Variants in KAZN observed in about 807,000 individuals in gnomAD.
The protein encoded by KAZN is kazrin, periplakin interacting protein, also known as kazrin.
In KAZN, 40 loss-of-function variants were observed where a neutral mutation model predicts 87.4. The observed-to-expected ratio is 0.46, with a 90% CI of 0.36 to 0.60. The LOEUF (loss-of-function observed/expected upper bound fraction) is 0.60, where lower values mean the gene tolerates loss of function less well. Among genes scored for constraint, KAZN ranks in the 20% least tolerant of loss-of-function variants. The probability of loss-of-function intolerance (pLI) is 0.00; values close to 1 mark genes in which losing one functional copy is unlikely to be tolerated. For missense variants in KAZN, 898 were observed against 1,073.9 expected (o/e 0.84, Z 2.29); for synonymous variants, 466 against 458.3 (o/e 1.02, Z -0.22).
At chr1:14,380,662 A>G (rs550427351) in intron 2 of KAZN, among the ~76,000 whole-genome samples, 1 of 152,316 alleles carries the variant, frequency 6.6e-6, no homozygotes, top group Admixed American at 6.5e-5. Flanking sequence ...ATTTGAAAAT[A>G]CACAGTCAGA....
rs78069677 is a variant in KAZN at position 14,637,790 on chromosome 1, T to C, written c.226+38567T>C. Reference sequence around the variant, plus strand: ...ATGTACATATATATGTGTGTGTGCATATTTTATCATTTTATCAGTTTCTGA... The same window carrying C: ...ATGTACATATATATGTGTGTGTGCACATTTTATCATTTTATCAGTTTCTGA... On this transcript the variant is annotated intron_variant, in intron 1 of 14. Transcript: ENST00000376030. Among the ~76,000 whole-genome samples the C allele has an allele frequency of 1.4e-3, 208 of 152,272 alleles. 1 individual carries two copies. Among genetic ancestry groups the C allele is most frequent in the African/African-American group, 4.7e-3 (194 of 41,544 alleles).
At chr1:14,601,726 AT>A (rs1676998277) in intron 1 of KAZN, among the ~76,000 whole-genome samples, 1 of 152,032 alleles carries the variant, frequency 6.6e-6, no homozygotes, top group Non-Finnish European at 1.5e-5. Flanking sequence ...TTGTGTTTTC[AT>A]TTTGTCTGTG....
intron 2 of KAZN, among the ~76,000 whole-genome samples, chr1:14,299,046 G>C (rs1654338661): frequency 6.6e-6 from 1 of 152,106 alleles, no homozygotes; most frequent in Non-Finnish European, 1.5e-5. Flanking sequence ...TAGTTCAGTG[G>C]TTACAGAGTA....
chr1:14,820,187 A>T lies in KAZN; in HGVS notation c.227-140497A>T, dbSNP rs1393218271. Among the ~76,000 whole-genome samples the T allele has an allele frequency of 6.6e-6, 1 of 152,206 alleles. No individual in the cohort carries two copies. The highest frequency in any genetic ancestry group is 2.4e-5 in the African/African-American group (1 of 41,448). On this transcript the variant is annotated intron_variant, in intron 1 of 14. Transcript: ENST00000376030. This position sits in a 1 kb window ranked among gnomAD's most constrained non-coding sequence, Gnocchi z 4.1. Reference sequence around the variant, plus strand: ...GGAGTGGCAGGGCCCATGAACTCACATTCTGTGACGTTCACACAGAGGGGC... The same window carrying T: ...GGAGTGGCAGGGCCCATGAACTCACTTTCTGTGACGTTCACACAGAGGGGC...
chr1:14,574,526 T>C (rs1675061656), intron 2 of KAZN, among the ~76,000 whole-genome samples: 3 of 152,154 alleles, frequency 2.0e-5, no homozygotes, highest in Admixed American at 6.5e-5. Context: ...GCTCTTATTC[T>C]CTCTTGTCTG....
chr1:14,166,187 C>T (rs939995147), intron 1 of KAZN, among the ~76,000 whole-genome samples: 1 of 152,072 alleles, frequency 6.6e-6, no homozygotes, highest in Admixed American at 6.5e-5. Context: ...TGGTGGCGTG[C>T]GCCTGTAATC....
At chr1:15,003,269 C>T (rs545233858) in intron 2 of KAZN, among the ~76,000 whole-genome samples, 1 of 152,096 alleles carries the variant, frequency 6.6e-6, no homozygotes, top group Non-Finnish European at 1.5e-5. Flanking sequence ...GGCGTGGATC[C>T]GGTAGGCAGT....
chr1:14,382,595 T>C (rs898769190), intron 2 of KAZN, among the ~76,000 whole-genome samples: 1 of 148,834 alleles, frequency 6.7e-6, no homozygotes, highest in Non-Finnish European at 1.5e-5. Flanking sequence ...CGCGATAGTT[T>C]ACTGAGAATG....
intron 1 of KAZN, among the ~76,000 whole-genome samples, chr1:14,038,462 G>A (rs1466195581): frequency 6.6e-6 from 1 of 152,188 alleles, no homozygotes; most frequent in Non-Finnish European, 1.5e-5. Flanking sequence ...TGGGACAGGT[G>A]ACCTCAGAAG....
At chr1:15,031,446 A>C (rs1671687367) in intron 2 of KAZN, among the ~76,000 whole-genome samples, 1 of 152,236 alleles carries the variant, frequency 6.6e-6, no homozygotes, top group South Asian at 2.1e-4. Flanking sequence ...CCCACCCTGC[A>C]GTCAGAGGCT....
intron 2 of KAZN, among the ~76,000 whole-genome samples, chr1:14,246,144 A>T (rs556848225): frequency 2.0e-5 from 3 of 152,220 alleles, no homozygotes; most frequent in South Asian, 2.1e-4. Flanking sequence ...GGACACAGGG[A>T]GGGGAACAAC....
At position 14,856,256 on chromosome 1, in the gene KAZN, G is replaced by A. The variant is rs1322032147; in HGVS notation, c.227-104428G>A. Among the ~76,000 whole-genome samples the A allele has an allele frequency of 6.6e-6, 1 of 152,180 alleles. No individual in the cohort carries two copies. The highest frequency in any genetic ancestry group is 1.5e-5 in the Non-Finnish European group (1 of 68,038). The stretch of plus-strand genomic sequence containing the variant: ...AGACCAGAAATAACTTTCCCCACGT[G>A]CATTATTAAGTGAATGTGAAGAATA... On this transcript the variant is annotated intron_variant, in intron 1 of 14. Coordinates refer to ENST00000376030, the MANE Select transcript of KAZN (RefSeq NM_201628.3). The surrounding 1 kb of genome is among the most constrained non-coding windows in gnomAD (Gnocchi z 5.2).
chr1:14,706,649 C>T (rs184862749), intron 1 of KAZN, among the ~76,000 whole-genome samples: 246 of 152,128 alleles, frequency 1.6e-3, no homozygotes, highest in Admixed American at 1.8e-3. Context: ...TTTTAAAAGA[C>T]GTTACTTCAA....
chr1:14,447,226 T>C (rs1667032705), intron 2 of KAZN, among the ~76,000 whole-genome samples: 1 of 145,716 alleles, frequency 6.9e-6, no homozygotes, highest in Non-Finnish European at 1.5e-5. Flanking sequence ...TTATTATTAT[T>C]ATTATTATTA....
rs370804567 is a variant in KAZN, at chr1:14,092,126, T to C, written c.92-88309T>C. 1.0e-4 allele frequency among the ~76,000 whole-genome samples: 15 copies of C among 148,814 alleles called. No individual in the cohort carries two copies. In the East Asian group the frequency reaches 2.5e-3, roughly 25 times the overall value. On this transcript the variant is annotated intron_variant, in intron 1 of 16. Coordinates refer to the KAZN transcript ENST00000636203. ...TTTTTTTTTTGAGACAGTCTTGCTCTGTCACCCAGGCTGGAGTGCAGTGGC... is the reference window on the plus strand; with the variant it reads ...TTTTTTTTTTGAGACAGTCTTGCTCCGTCACCCAGGCTGGAGTGCAGTGGC...
intron 2 of KAZN, among the ~76,000 whole-genome samples, chr1:14,249,706 T>C (rs1649835756): frequency 6.6e-6 from 1 of 152,204 alleles, no homozygotes; most frequent in South Asian, 2.1e-4. Flanking sequence ...TATGTATGAA[T>C]TCCATACCTA....
intron 1 of KAZN, among the ~76,000 whole-genome samples, chr1:14,892,370 C>T (rs901412614): frequency 6.6e-6 from 1 of 152,060 alleles, no homozygotes; most frequent in Non-Finnish European, 1.5e-5. Context: ...TCAGAGGCAT[C>T]TCTCTCTCTT....
At position 15,067,615 on chromosome 1, in the gene KAZN, A is replaced by G. The variant is rs1003561018; in HGVS notation, c.1222+1862A>G. On this transcript the variant is annotated intron_variant, in intron 8 of 14. Transcript: ENST00000376030. The stretch of plus-strand genomic sequence containing the variant: ...TTAAAAAGAAGCAAGGAGATTTTCA[A>G]ATGCTAGAGTATCTCTATCAGAAGG... 1.8e-5 allele frequency: 18 copies of G among 985,354 alleles called. No individual in the cohort carries two copies. In the African/African-American group the frequency reaches 3.0e-4, roughly 16 times the overall value. The allele number at this position is 985,354 out of a possible 1,614,324, so 61.0% of individuals were successfully genotyped here.
At chr1:14,937,683 C>T (rs772743741) in intron 1 of KAZN, among the ~76,000 whole-genome samples, 8 of 152,254 alleles carry the variant, frequency 5.3e-5, no homozygotes, top group Non-Finnish European at 7.3e-5. Flanking sequence ...TTTCCTGGCA[C>T]ATCCCTGATA....
Sources: gnomAD v4.1 joint callset for allele counts (sites outside exome capture counted in the v4.1 genomes callset) on GRCh38, gnomAD v4.1.1 for gene constraint, Gnocchi (gnomAD v3.1) non-coding constraint, MANE v1.5 for transcripts, NCBI Gene and HGNC (gene_info 2026-07-23, HGNC 2026-07-21) for gene names.